PARD3: variants seen among roughly 807,000 people sequenced by gnomAD.
PARD3 encodes par-3 family cell polarity regulator.
PARD3 carries 75 observed loss-of-function variants against 155.4 expected under a neutral mutation model. The observed-to-expected ratio is 0.48, with a 90% confidence interval of 0.40 to 0.58. The LOEUF is 0.58. PARD3 is among the 20% of genes least tolerant of loss of function. The pLI is 0.00. For synonymous variants in PARD3, 576 were observed against 610.5 expected (o/e 0.94, Z 0.83); for missense variants, 1,642 against 1,721.7 (o/e 0.95, Z 0.82).
At chr10:34,706,125 G>A (rs1380075660) in intron 1 of PARD3, among the ~76,000 whole-genome samples, 1 of 152,208 alleles carries the variant, frequency 6.6e-6, no homozygotes, top group Non-Finnish European at 1.5e-5. Flanking sequence ...GAATGAGACA[G>A]CAGTAACCAC....
At position 34,270,927 on chromosome 10, in the gene PARD3, C is replaced by A. The variant is rs1955583485; in HGVS notation, c.3177-1028G>T. Among the ~76,000 whole-genome samples the A allele has an allele frequency of 2.6e-5, 4 of 152,274 alleles. No individual in the cohort carries two copies. The South Asian group carries it at 8.3e-4, about 32-fold the overall frequency. On this transcript the variant is annotated intron_variant, in intron 21 of 24. Coordinates refer to ENST00000374788, the MANE Select transcript of PARD3 (RefSeq NM_001184785.2). ...ATTAAACTATTTGGTACAATGTCCT[C>A]TTCAACTTATAATATATTGATATAA...
At chr10:34,412,613 G>A (rs925434238) in intron 5 of PARD3, among the ~76,000 whole-genome samples, 4 of 152,148 alleles carry the variant, frequency 2.6e-5, no homozygotes, top group Non-Finnish European at 5.9e-5. Flanking sequence ...TCCGAGAAAT[G>A]AATTAAATGC....
intron 2 of PARD3, among the ~76,000 whole-genome samples, chr10:34,638,968 T>C (rs2092577341): frequency 6.6e-6 from 1 of 152,232 alleles, no homozygotes; most frequent in Non-Finnish European, 1.5e-5. Context: ...CTCTATGAAG[T>C]TATTTCAAAG....
chr10:34,709,598 A>T (rs2094420752), intron 1 of PARD3, among the ~76,000 whole-genome samples: 1 of 152,100 alleles, frequency 6.6e-6, no homozygotes, highest in African/African-American at 2.4e-5. Context: ...GGAAGCTATG[A>T]CTACCCCTGG....
chr10:34,745,527 T>C (rs1835199896), intron 1 of PARD3, among the ~76,000 whole-genome samples: 1 of 152,000 alleles, frequency 6.6e-6, no homozygotes, highest in Admixed American at 6.6e-5. Context: ...GGGTGTCGAC[T>C]GTTGGAGGAA....
intron 22 of PARD3, among the ~76,000 whole-genome samples, chr10:34,201,341 C>T (rs1951200219): frequency 6.6e-6 from 1 of 152,166 alleles, no homozygotes; most frequent in Non-Finnish European, 1.5e-5. Context: ...TTTATTTCCA[C>T]TGAAAAACTT....
chr10:34,147,765 G>T (rs968287370), intron 22 of PARD3, among the ~76,000 whole-genome samples: 14 of 151,826 alleles, frequency 9.2e-5, no homozygotes, highest in Non-Finnish European at 1.5e-4. Flanking sequence ...GAAAGGGCTG[G>T]GAAAACAGAG....
chr10:34,669,501 A>C (rs2476997), intron 2 of PARD3, among the ~76,000 whole-genome samples: 50,058 of 152,004 alleles, frequency 0.33, 8,330 homozygotes, highest in South Asian at 0.38. Flanking sequence ...GTACAGCAAC[A>C]TATTGAATGA....
chr10:34,192,329 T>G (rs1437745349), intron 22 of PARD3, among the ~76,000 whole-genome samples: 1 of 151,922 alleles, frequency 6.6e-6, no homozygotes, highest in Non-Finnish European at 1.5e-5. Context: ...AACTCCTGGG[T>G]TCAAGAGACC....
chr10:34,465,724 G>T (rs1182803524), intron 4 of PARD3, among the ~76,000 whole-genome samples: 1 of 152,104 alleles, frequency 6.6e-6, no homozygotes, highest in Non-Finnish European at 1.5e-5. Flanking sequence ...ATTGTTTAGG[G>T]GGAAATATCA....
intron 15 of PARD3, among the ~76,000 whole-genome samples, chr10:34,347,476 G>C (rs928774799): frequency 6.6e-6 from 1 of 152,156 alleles, no homozygotes; most frequent in African/African-American, 2.4e-5. Flanking sequence ...TTAAAATACA[G>C]TAACATCCTA....
rs950733500 is a variant in PARD3 at position 34,280,546 on chromosome 10, G to A, written c.3176+3589C>T. On this transcript the variant is annotated intron_variant, in intron 21 of 24. Coordinates refer to ENST00000374788, the MANE Select transcript of PARD3 (RefSeq NM_001184785.2). ...GAAAACTGAAAAAGGAGGAGCAGTG[G>A]TAAGCACGCACTTTCATAAGTCCAC... 1.1e-4 allele frequency among the ~76,000 whole-genome samples: 16 copies of A among 152,276 alleles called. No homozygotes were observed. The South Asian group carries it at 2.5e-3, about 24-fold the overall frequency.
intron 1 of PARD3, among the ~76,000 whole-genome samples, chr10:34,740,389 A>C (rs1464271193): frequency 6.6e-6 from 1 of 152,222 alleles, no homozygotes; most frequent in East Asian, 1.9e-4. Context: ...CCTGTCAACA[A>C]ACATATCCTT....
At chr10:34,112,769 T>G (rs1221377911) in intron 24 of PARD3, among the ~76,000 whole-genome samples, 1 of 152,212 alleles carries the variant, frequency 6.6e-6, no homozygotes, top group Non-Finnish European at 1.5e-5. Flanking sequence ...TGGAGTGAAA[T>G]GCACCCATTT....
chr10:34,278,393 A>T (rs1955990698), intron 21 of PARD3, among the ~76,000 whole-genome samples: 1 of 152,148 alleles, frequency 6.6e-6, no homozygotes. Flanking sequence ...GAGGGAAAAA[A>T]CATTTTAAAA....
At chr10:34,334,871 T>C (rs553791173) in intron 18 of PARD3, among the ~76,000 whole-genome samples, 32 of 152,024 alleles carry the variant, frequency 2.1e-4, no homozygotes, top group African/African-American at 7.7e-4. Context: ...ATAACTTGGA[T>C]ATCATTATGT....
chr10:34,670,261 G>A (rs1197198666), intron 2 of PARD3, among the ~76,000 whole-genome samples: 1 of 152,208 alleles, frequency 6.6e-6, no homozygotes, highest in Non-Finnish European at 1.5e-5. Flanking sequence ...AAACACAAGG[G>A]ACGCCTTCAC....
intron 1 of PARD3, among the ~76,000 whole-genome samples, chr10:34,764,658 TA>T (rs796522825): frequency 3.4e-4 from 50 of 145,874 alleles, no homozygotes; most frequent in Admixed American, 4.1e-4. Context: ...GAAACATTAC[TA>T]AAAAAAAAAA....
chr10:34,655,393 G>A (rs1232255139), intron 2 of PARD3, among the ~76,000 whole-genome samples: 2 of 152,108 alleles, frequency 1.3e-5, no homozygotes, highest in African/African-American at 4.8e-5. Context: ...AATAAGCACT[G>A]CCCTAGCCTG....
Sources: gnomAD v4.1 joint callset for allele counts (sites outside exome capture counted in the v4.1 genomes callset) on GRCh38, gnomAD v4.1.1 for gene constraint, MANE v1.5 for transcripts, NCBI Gene and HGNC (gene_info 2026-07-23, HGNC 2026-07-21) for gene names.